KLF12: variants seen among roughly 807,000 people sequenced by gnomAD.
KLF12 encodes KLF transcription factor 12.
A neutral mutation model predicts 37.8 loss-of-function variants in KLF12; 9 were observed. The observed-to-expected ratio is 0.24, with a 90% confidence interval of 0.14 to 0.42. KLF12 has a LOEUF of 0.42. Ranked by LOEUF, KLF12 falls within the 10% of genes least tolerant of loss-of-function variation. The pLI, the probability that KLF12 is intolerant of heterozygous loss-of-function variation, is 1.00. For missense variants in KLF12, 411 were observed against 516.0 expected (o/e 0.80, Z 1.97); for synonymous variants, 208 against 202.1 (o/e 1.03, Z -0.25).
intron 5 of KLF12, among the ~76,000 whole-genome samples, 193 bp from the exon 6 acceptor site, chr13:73,765,193 A>C (rs559908192): frequency 2.0e-5 from 3 of 152,202 alleles, no homozygotes; most frequent in Admixed American, 6.5e-5. Context: ...TTTCCTTCTT[A>C]ACCACTCTCA....
At chr13:74,063,704 A>C (rs2138662627) in intron 1 of KLF12, among the ~76,000 whole-genome samples, 1 of 152,344 alleles carries the variant, frequency 6.6e-6, no homozygotes, top group East Asian at 1.9e-4. Flanking sequence ...ATAGATTTGA[A>C]ATTTTTTTTA....
intron 6 of KLF12, among the ~76,000 whole-genome samples, chr13:73,729,299 T>C (rs945217000): frequency 6.6e-6 from 1 of 152,258 alleles, no homozygotes; most frequent in Non-Finnish European, 1.5e-5. Context: ...TCTCAGGATC[T>C]GAGCATATTG....
intron 3 of KLF12, among the ~76,000 whole-genome samples, chr13:73,861,087 A>G (rs181204881): frequency 8.5e-4 from 129 of 152,342 alleles, no homozygotes; most frequent in African/African-American, 2.9e-3. Flanking sequence ...AAGTTAAAAA[A>G]TAACACTCTT....
intron 2 of KLF12, among the ~76,000 whole-genome samples, chr13:73,956,751 T>A (rs986340391): frequency 2.0e-5 from 3 of 151,238 alleles, no homozygotes; most frequent in Non-Finnish European, 4.4e-5. Flanking sequence ...CAAGACCCCA[T>A]CTCTACAAAA....
intron 6 of KLF12, among the ~76,000 whole-genome samples, chr13:73,755,683 T>C (rs1049081720): frequency 6.6e-6 from 1 of 152,070 alleles, no homozygotes; most frequent in South Asian, 2.1e-4. Flanking sequence ...AAATAAGTTA[T>C]TTGGTGGTGA....
chr13:74,244,975 A>G, the KLF12 span, among the ~76,000 whole-genome samples: 2 of 152,194 alleles, frequency 1.3e-5, no homozygotes, highest in Non-Finnish European at 2.9e-5. Context: ...AAAAAGATAG[A>G]TTAACATATT....
At chr13:74,203,772 A>C in the KLF12 span, among the ~76,000 whole-genome samples, 1 of 152,150 alleles carries the variant, frequency 6.6e-6, no homozygotes, top group African/African-American at 2.4e-5. Context: ...TCCAGTGCTC[A>C]GGTTACAGAG....
the KLF12 span, among the ~76,000 whole-genome samples, chr13:74,238,855 C>T: frequency 9.2e-5 from 14 of 152,024 alleles, no homozygotes; most frequent in South Asian, 1.2e-3. Flanking sequence ...GTCTTGCTAG[C>T]GGTCTGTCAA....
rs530986021 is a variant in KLF12 at position 73,951,242 on chromosome 13, C to T, written c.34-7172G>A. 2.6e-4 allele frequency among the ~76,000 whole-genome samples: 39 copies of T among 152,266 alleles called. No homozygotes were observed. In the South Asian group the frequency reaches 7.7e-3, roughly 30 times the overall value. On this transcript the variant is annotated intron_variant, in intron 2 of 7. Coordinates refer to ENST00000377669, the MANE Select transcript of KLF12 (RefSeq NM_007249.5). ...CATACATTGATTCATTCCCAATATA[C>T]TTATTGAAGGCCAGTCACTGTTCCA...
chr13:73,695,938 A>C (rs1490071208), intron 7 of KLF12, among the ~76,000 whole-genome samples: 1 of 152,184 alleles, frequency 6.6e-6, no homozygotes, highest in Non-Finnish European at 1.5e-5. Flanking sequence ...GCATGGATTG[A>C]CTGCCACTGG....
chr13:73,894,708 CAAT>C (rs1887676800), intron 3 of KLF12, among the ~76,000 whole-genome samples: 1 of 152,054 alleles, frequency 6.6e-6, no homozygotes, highest in African/African-American at 2.4e-5. Context: ...TAAAACAAAA[CAAT>C]AATAATGATT....
chr13:73,972,149 G>A (rs763745316), intron 2 of KLF12, among the ~76,000 whole-genome samples: 7 of 152,128 alleles, frequency 4.6e-5, no homozygotes, highest in Non-Finnish European at 1.0e-4. Flanking sequence ...TAATATACAC[G>A]AGTATGTAAA....
intron 2 of KLF12, among the ~76,000 whole-genome samples, chr13:73,986,870 C>T (rs984261842): frequency 2.0e-5 from 3 of 151,850 alleles, no homozygotes; most frequent in Admixed American, 1.3e-4. Context: ...ATAATCCTCC[C>T]AATACTTTGA....
At chr13:74,182,991 T>G in the KLF12 span, among the ~76,000 whole-genome samples, 1 of 152,198 alleles carries the variant, frequency 6.6e-6, no homozygotes, top group Non-Finnish European at 1.5e-5. Flanking sequence ...GACTAGTATT[T>G]CTTGGAAATC....
intron 5 of KLF12, among the ~76,000 whole-genome samples, chr13:73,797,660 CT>C (rs1882055508): frequency 6.7e-6 from 1 of 150,308 alleles, no homozygotes; most frequent in Non-Finnish European, 1.5e-5. Context: ...ATTCTAGCTA[CT>C]AGTGAGGCTC....
intron 6 of KLF12, among the ~76,000 whole-genome samples, chr13:73,753,422 C>G: frequency 6.6e-6 from 1 of 152,152 alleles, no homozygotes; most frequent in African/African-American, 2.4e-5. Flanking sequence ...GGATTGCTTT[C>G]TAGTCATCTC....
At chr13:74,180,539 C>G in the KLF12 span, among the ~76,000 whole-genome samples, 5 of 152,294 alleles carry the variant, frequency 3.3e-5, no homozygotes, top group East Asian at 9.7e-4. Context: ...TCTTCACAAT[C>G]ATGGCATATG....
chr13:73,824,912 AC>A (rs1461448691), intron 4 of KLF12, among the ~76,000 whole-genome samples: 1 of 152,088 alleles, frequency 6.6e-6, no homozygotes, highest in African/African-American at 2.4e-5. Context: ...TACTAAAAAT[AC>A]AAAAAATTAG....
the KLF12 span, among the ~76,000 whole-genome samples, chr13:74,145,428 C>A: frequency 4.6e-5 from 7 of 152,110 alleles, no homozygotes; most frequent in African/African-American, 1.7e-4. Context: ...TGGCTTCTTG[C>A]CTGCTAGAAC....
Sources: allele counts gnomAD v4.1 joint callset (sites outside exome capture counted in the v4.1 genomes callset), GRCh38; gene constraint gnomAD v4.1.1; transcripts MANE v1.5; gene names NCBI Gene and HGNC (gene_info 2026-07-23, HGNC 2026-07-21).